The following ZNF14 variants were observed in gnomAD, a reference collection of about 807,000 sequenced individuals.
ZNF14 encodes zinc finger protein 14.
A neutral mutation model predicts 11.3 loss-of-function variants in ZNF14; 9 were observed. The observed-to-expected ratio is 0.80, with a 90% CI of 0.48 to 1.39. The LOEUF (loss-of-function observed/expected upper bound fraction) is 1.39, where lower values mean the gene tolerates loss of function less well. Among genes scored for constraint, ZNF14 ranks in the 40% most tolerant of loss-of-function variants. The pLI is 0.00. For missense variants in ZNF14, 711 were observed against 763.9 expected (o/e 0.93, Z 0.82); for synonymous variants, 239 against 245.7 (o/e 0.97, Z 0.25).
chr19:19,713,994 C>T, intron 3 of ZNF14, 97 bp downstream of exon 3: 1 of 1,169,896 alleles, frequency 8.5e-7, no homozygotes, highest in Non-Finnish European at 1.2e-6. Context: ...TGAAAGTTTT[C>T]TAGGAATAAA....
intron 1 of ZNF14, among the ~76,000 whole-genome samples, chr19:19,729,715 C>T (rs2062417734): frequency 6.6e-6 from 1 of 151,974 alleles, no homozygotes; most frequent in Non-Finnish European, 1.5e-5. Context: ...AATTAAACAC[C>T]ACAACTGAGA....
At chr19:19,714,713 C>CTTTTTCTTTTT (rs1555761422) in intron 1 of ZNF14, among the ~76,000 whole-genome samples, 9 of 122,846 alleles carry the variant, frequency 7.3e-5, no homozygotes, top group Non-Finnish European at 1.4e-4. Flanking sequence ...TTTTCTTTTT[C>CTTTTTCTTTTT]TTTTTTTTTT....
At chr19:19,731,479 A>G (rs984166830) in intron 1 of ZNF14, among the ~76,000 whole-genome samples, 11 of 151,794 alleles carry the variant, frequency 7.2e-5, no homozygotes, top group African/African-American at 2.2e-4. Context: ...AGGAGGCTGA[A>G]GCAGGAGAAC....
chr19:19,724,645 T>G (rs2062401840), intron 1 of ZNF14, among the ~76,000 whole-genome samples: 1 of 133,726 alleles, frequency 7.5e-6, no homozygotes, highest in African/African-American at 2.8e-5. Flanking sequence ...TTGTTAACTT[T>G]CTGTCTTGTT....
chr19:19,714,331 A>C (rs749203321), intron 2 of ZNF14, 30 bp downstream of exon 2: 1 of 1,612,854 alleles, frequency 6.2e-7, no homozygotes, highest in South Asian at 1.1e-5. Context: ...TTCTATATTT[A>C]ACTGAGGAAA....
In ZNF14 at chr19:19,720,778, T is replaced by A. The variant is rs1285292954; in HGVS notation, c.4-6291A>T. On this transcript the variant is annotated intron_variant, in intron 1 of 3. Transcript: ENST00000344099. The surrounding 1 kb of genome is among the most constrained non-coding windows in gnomAD (Gnocchi z 4.1). ...AGATCAATGAGATACACAATGGAAT[T>A]TCCACCTACCCTATAATCCCACAGC... 6.6e-6 allele frequency among the ~76,000 whole-genome samples: 1 copy of A among 152,134 alleles called. No homozygotes were observed. The highest frequency in any genetic ancestry group is 1.9e-4 in the East Asian group (1 of 5,196).
At position 19,712,364 on chromosome 19, in the gene ZNF14, G is replaced by T. The variant is rs777572337; in HGVS notation, c.917C>A (p.Pro306His). Reference sequence around the variant, plus strand: ...TTTTCCACATTCTTTACATTCATAGGGTTTCTCTCCACTATGAGTCCTTTT... The same window carrying T: ...TTTTCCACATTCTTTACATTCATAGTGTTTCTCTCCACTATGAGTCCTTTT... ...RHKRTHSGEK[P>H]YECKECGKAF... The change falls in exon 4 of 4, where the codon CCC (proline) becomes CAC (histidine). Residue 306 changes from proline (P) to histidine (H), a missense_variant. Transcript: ENST00000344099. 8 of 1,612,946 alleles carry T rather than the reference G, an allele frequency of 5.0e-6. No homozygotes were observed. The African/African-American group carries it at 9.4e-5, about 19-fold the overall frequency.
At chr19:19,717,747 G>A (rs1396638681) in intron 1 of ZNF14, among the ~76,000 whole-genome samples, 1 of 152,138 alleles carries the variant, frequency 6.6e-6, no homozygotes, top group Non-Finnish European at 1.5e-5. Context: ...TCGGGCACAG[G>A]CTCACTAAAA....
Position 19,732,980 on chromosome 19 carries a change from C to T in ZNF14, c.-22G>A. ...CCATTTCCCAGCGTCCGGGAAGTCA[C>T]GGTGTCCTCCCTACGGATCTGTCAG... On this transcript the variant is annotated 5_prime_UTR_variant, in exon 1 of 4. In the 5' UTR this introduces an upstream ATG that the reference lacks. Transcript: ENST00000344099. The T allele has an allele frequency of 6.2e-7, 1 of 1,613,304 alleles. No individual in the cohort carries two copies. The highest frequency in any genetic ancestry group is 8.5e-7 in the Non-Finnish European group (1 of 1,179,544).
chr19:19,728,166 A>G lies in ZNF14; in HGVS notation c.3+4790T>C, dbSNP rs2062411544. ...AAAAAACACAACAACAAAACAAAAC[A>G]GATCATTAGATAAAAGCAATCTGTC... On this transcript the variant is annotated intron_variant, in intron 1 of 3. Transcript: ENST00000344099. 4.5e-5 allele frequency among the ~76,000 whole-genome samples: 6 copies of G among 132,806 alleles called. 1 individual carries two copies. The highest frequency in any genetic ancestry group is 4.4e-4 in the Admixed American group (6 of 13,484). The allele number at this position is 132,806 out of a possible 152,430, so 87.1% of individuals were successfully genotyped here. A position where few individuals can be genotyped will look rare whatever the true frequency, so the allele number is the denominator to read the frequency against.
intron 1 of ZNF14, among the ~76,000 whole-genome samples, chr19:19,719,818 A>C (rs2062387569): frequency 6.6e-6 from 1 of 152,254 alleles, no homozygotes; most frequent in Non-Finnish European, 1.5e-5. Context: ...TAATGGATCA[A>C]ATATACGGTG....
rs148475961 is a variant in ZNF14 at position 19,712,918 on chromosome 19, G to A, written c.363C>T (p.His121=). 1.9e-6 allele frequency: 3 copies of A among 1,614,034 alleles called. No individual in the cohort carries two copies. Among genetic ancestry groups the A allele is most frequent in the Admixed American group, 1.7e-5 (1 of 60,000 alleles). The change falls in exon 4 of 4, where the codon CAC becomes CAT. Residue 121 remains histidine, a synonymous_variant. Transcript: ENST00000344099. ...GTTTCTGTCCAGTGTGAGATCTCATGTGCCTATTAAGGGACGAATGATGAA... is the reference window on the plus strand; with the variant it reads ...GTTTCTGTCCAGTGTGAGATCTCATATGCCTATTAAGGGACGAATGATGAA... ...DFIHHSSLNR[H]MRSHTGQKPN...
intron 1 of ZNF14, among the ~76,000 whole-genome samples, chr19:19,719,903 C>T (rs943632398): frequency 6.6e-6 from 1 of 152,104 alleles, no homozygotes; most frequent in Non-Finnish European, 1.5e-5. Flanking sequence ...ATATGCCATG[C>T]TAACACTAAG....
chr19:19,721,962 C>CAA (rs36021998), intron 1 of ZNF14, among the ~76,000 whole-genome samples: 6 of 107,174 alleles, frequency 5.6e-5, no homozygotes, highest in East Asian at 2.6e-4. Flanking sequence ...GACTCAGTCT[C>CAA]AAAAAAAAAA....
intron 1 of ZNF14, among the ~76,000 whole-genome samples, chr19:19,723,200 TA>T (rs1269654087): frequency 3.3e-5 from 5 of 152,340 alleles, no homozygotes; most frequent in African/African-American, 1.2e-4. Context: ...TTCAGTATGA[TA>T]TTGGCTGTGG....
intron 1 of ZNF14, among the ~76,000 whole-genome samples, chr19:19,723,549 T>G (rs2062398921): frequency 6.6e-6 from 1 of 152,010 alleles, no homozygotes; most frequent in African/African-American, 2.4e-5. Context: ...TTCTCTTTTT[T>G]TTGTTGTGTT....
rs780936479 is a variant in ZNF14 at position 19,712,481 on chromosome 19, C to T, written c.800G>A (p.Arg267Gln). 4.9e-5 allele frequency: 76 copies of T among 1,558,640 alleles called. No individual in the cohort carries two copies. In the Middle Eastern group the frequency reaches 8.4e-4, roughly 17 times the overall value. ...TCCAGTGTGAGTTCTTTCATGAGTT[C>T]GAAAGTATGTGGGACAACTGAAAGC... ...GKAFSCPTYFRTHERTHTGEK... is the reference protein window; with the variant it reads ...GKAFSCPTYFQTHERTHTGEK... The change falls in exon 4 of 4, where the codon CGA (arginine) becomes CAA (glutamine). Residue 267 changes from arginine (R) to glutamine (Q), a missense_variant. Physicochemically the swap from Arg to Gln is conservative, Grantham distance 43. Coordinates refer to ENST00000344099, the MANE Select transcript of ZNF14 (RefSeq NM_021030.3).
Position 19,711,719 on chromosome 19 carries a change from T to A in ZNF14, c.1562A>T (p.His521Leu). ...CTTATTTCCAGTGTGAATTTTTTCATGTTCTCGAAGGGAACTTGAAAAACT... is the reference window on the plus strand; with the variant it reads ...CTTATTTCCAGTGTGAATTTTTTCAAGTTCTCGAAGGGAACTTGAAAAACT... ...TFSFSSSLRE[H>L]EKIHTGNKPF... Residue 521 changes from histidine to leucine, a missense_variant, in exon 4 of 4, where the codon CAT becomes CTT. By Grantham distance (99) the His-to-Leu change is moderately conservative. Transcript: ENST00000344099. 1 of 1,614,200 alleles carries A rather than the reference T, an allele frequency of 6.2e-7. No individual in the cohort carries two copies. The highest frequency in any genetic ancestry group is 8.5e-7 in the Non-Finnish European group (1 of 1,180,032).
At position 19,725,694 on chromosome 19, in the gene ZNF14, C is replaced by T. The variant is rs941712347; in HGVS notation, c.3+7262G>A. Among the ~76,000 whole-genome samples, 29 of 134,194 alleles carry T rather than the reference C, an allele frequency of 2.2e-4. 6 individuals carry two copies. The highest frequency in any genetic ancestry group is 7.4e-4 in the African/African-American group (27 of 36,334). 88.0% of individuals were successfully genotyped at this position (134,194 alleles called of 152,430 possible). Reference sequence around the variant, plus strand: ...TGTTTTCCAACTTGGTTCCATTCTCCCCGTCACTTTCAGGTATACCAATCA... The same window carrying T: ...TGTTTTCCAACTTGGTTCCATTCTCTCCGTCACTTTCAGGTATACCAATCA... On this transcript the variant is annotated intron_variant, in intron 1 of 3. Transcript: ENST00000344099.
Sources: allele counts gnomAD v4.1 joint callset (sites outside exome capture counted in the v4.1 genomes callset), GRCh38; gene constraint gnomAD v4.1.1; non-coding constraint Gnocchi (gnomAD v3.1); transcripts MANE v1.5; gene names NCBI Gene and HGNC (gene_info 2026-07-23, HGNC 2026-07-21).